The following LIG1 variants were observed in gnomAD, a reference collection of about 807,000 sequenced individuals.
The protein encoded by LIG1 is DNA ligase 1.
A neutral mutation model predicts 115.7 loss-of-function variants in LIG1; 70 were observed. That is an observed-to-expected ratio of 0.60 (90% CI 0.50 to 0.74). The LOEUF is 0.74. Ranked by LOEUF, LIG1 falls within the 30% of genes least tolerant of loss-of-function variation. The pLI, the probability that LIG1 is intolerant of heterozygous loss-of-function variation, is 0.00. For missense variants in LIG1, 1,115 were observed against 1,225.6 expected, an observed-to-expected ratio of 0.91 and a Z score of 1.35; for synonymous variants, 487 against 495.3, an observed-to-expected ratio of 0.98 and a Z score of 0.22.
intron 5 of LIG1, chr19:48,154,220 C>T (rs758634231): frequency 8.9e-5 from 43 of 485,222 alleles, no homozygotes; most frequent in Middle Eastern, 6.0e-4. Flanking sequence ...ATAATCCCCA[C>T]GAGTAAACAA....
intron 4 of LIG1, among the ~76,000 whole-genome samples, chr19:48,159,864 C>A (rs1040455518): frequency 6.6e-6 from 1 of 152,144 alleles, no homozygotes; most frequent in African/African-American, 2.4e-5. Flanking sequence ...ACTACAGGCG[C>A]CCGCCACCAC....
intron 9 of LIG1, among the ~76,000 whole-genome samples, chr19:48,144,435 G>A (rs183959485): frequency 3.2e-4 from 49 of 152,264 alleles, no homozygotes; most frequent in Admixed American, 9.2e-4. Flanking sequence ...GTATAGTCCC[G>A]GGTGTCGCAA....
chr19:48,160,729 A>AT (rs1199727953), intron 4 of LIG1, among the ~76,000 whole-genome samples: 2 of 150,738 alleles, frequency 1.3e-5, no homozygotes, highest in African/African-American at 4.9e-5. Context: ...TTGAACCCTT[A>AT]TTTTTTTGCT....
Position 48,117,585 on chromosome 19 carries a change from T to C in LIG1, c.2583+53A>G, listed in dbSNP as rs2032939520. ...GGTCCCCTCCCTACTCTGCTCTCTG[T>C]GTGCCCGCCCAGAATCCCACACAGG... On this transcript the variant is annotated intron_variant, in intron 26 of 27. Transcript: ENST00000263274. 3 of 1,597,948 alleles carry C rather than the reference T, an allele frequency of 1.9e-6. No individual in the cohort carries two copies. The East Asian group carries it at 6.7e-5, about 36-fold the overall frequency.
Position 48,132,981 on chromosome 19 carries a change from C to A in LIG1, c.1725+1G>T. 1 of 1,605,470 alleles carries A rather than the reference C, an allele frequency of 6.2e-7. No individual in the cohort carries two copies. The highest frequency in any genetic ancestry group is 1.1e-5 in the South Asian group (1 of 90,896). ...GAAGGGACATGTCCCACTCCCCATACCTGTGCCCTCTGCCCGTCATATTTG... is the reference window on the plus strand; with the variant it reads ...GAAGGGACATGTCCCACTCCCCATAACTGTGCCCTCTGCCCGTCATATTTG... On this transcript the variant is annotated splice_donor_variant, in intron 18 of 27. Coordinates refer to ENST00000263274, the MANE Select transcript of LIG1 (RefSeq NM_000234.3). LOFTEE classifies it high-confidence loss of function.
At chr19:48,140,218 AG>A (rs1358511938) in intron 11 of LIG1, 75 bp from the exon 12 acceptor site, 1 of 625,578 alleles carries the variant, frequency 1.6e-6, no homozygotes, top group East Asian at 4.0e-5. Context: ...GGTGGGTTTA[AG>A]GGGGTGGACA....
At position 48,137,992 on chromosome 19, in the gene LIG1, C is replaced by T. The variant is rs574915690; in HGVS notation, c.1088-304G>A. On this transcript the variant is annotated intron_variant, in intron 12 of 27. Coordinates refer to ENST00000263274, the MANE Select transcript of LIG1 (RefSeq NM_000234.3). The surrounding 1 kb of genome is among the most constrained non-coding windows in gnomAD (Gnocchi z 4.3). ...ATCAGGGCGCGGATGGGATTTAAAG[C>T]CACAGGCGGGACAAGGTCACTAGGG... is the stretch of plus-strand genomic sequence containing the variant. 6.2e-6 allele frequency: 3 copies of T among 487,566 alleles called. No individual in the cohort carries two copies. Among genetic ancestry groups the T allele is most frequent in the Admixed American group, 6.6e-5 (2 of 30,432 alleles). The allele number at this position is 487,566 out of a possible 1,614,324, so 30.2% of individuals were successfully genotyped here. A position where few individuals can be genotyped will look rare whatever the true frequency, so the allele number is the denominator to read the frequency against.
rs1216129707 is a variant in LIG1 at position 48,140,187 on chromosome 19, C to T, written c.915-44G>A. 4.1e-6 allele frequency: 4 copies of T among 979,248 alleles called. No individual in the cohort carries two copies. In the Admixed American group the frequency reaches 5.6e-5, roughly 14 times the overall value. 60.7% of individuals were successfully genotyped at this position (979,248 alleles called of 1,614,324 possible). On this transcript the variant is annotated intron_variant, in intron 11 of 27. Transcript: ENST00000263274. ...GTATGAACACGTGGTTCCTCAAGGT[C>T]AAAGTGTGGTGTCGGGGTGGGGTGG...
intron 5 of LIG1, among the ~76,000 whole-genome samples, chr19:48,155,430 C>T: frequency 6.6e-6 from 1 of 152,140 alleles, no homozygotes; most frequent in Non-Finnish European, 1.5e-5. Flanking sequence ...TGCACGTGCC[C>T]TTCTTGTCTG....
At chr19:48,148,891 G>C (rs1419816017) in intron 9 of LIG1, among the ~76,000 whole-genome samples, 1 of 152,222 alleles carries the variant, frequency 6.6e-6, no homozygotes, top group Non-Finnish European at 1.5e-5. Context: ...ACGAGGGCTG[G>C]GGCAGGGCGG....
intron 5 of LIG1, 23 bp from the exon 6 acceptor site, chr19:48,153,990 G>A (rs752206919): frequency 1.2e-6 from 2 of 1,600,886 alleles, no homozygotes; most frequent in Admixed American, 3.3e-5. Context: ...AGGGCTTGGT[G>A]TATCTGACCT....
chr19:48,139,744 A>C (rs1288494674), intron 12 of LIG1, among the ~76,000 whole-genome samples: 16 of 118,070 alleles, frequency 1.4e-4, no homozygotes, highest in Admixed American at 2.7e-4. Context: ...TGCACCCCAC[A>C]CCCCCTGTCC....
At chr19:48,123,414 CA>C in intron 21 of LIG1, 96 bp from the exon 22 acceptor site, 1 of 1,400,188 alleles carries the variant, frequency 7.1e-7, no homozygotes, top group Admixed American at 1.8e-5. Flanking sequence ...GTGCGGGTCA[CA>C]ACTAGTGACA....
intron 12 of LIG1, among the ~76,000 whole-genome samples, chr19:48,138,193 G>GT (rs987739192): frequency 6.6e-5 from 10 of 152,152 alleles, no homozygotes; most frequent in African/African-American, 1.4e-4. Flanking sequence ...GCGCCTGGGT[G>GT]TAAGAGCTGG....
chr19:48,121,326 G>A lies in LIG1; in HGVS notation c.2233-4C>T. On this transcript the variant is annotated splice_region_variant and splice_polypyrimidine_tract_variant and intron_variant, in intron 23 of 27. Transcript: ENST00000263274. The stretch of plus-strand genomic sequence containing the variant: ...CATCAAGGTAGTCCTTCTTCAGCTG[G>A]GAGAAGGGGAGGCAAGAGATGAGAA... 1 of 1,594,616 alleles carries A rather than the reference G, an allele frequency of 6.3e-7. No individual in the cohort carries two copies. Among genetic ancestry groups the A allele is most frequent in the Non-Finnish European group, 8.6e-7 (1 of 1,167,122 alleles).
chr19:48,169,958 C>G (rs975257483), intron 1 of LIG1: 12 of 222,448 alleles, frequency 5.4e-5, no homozygotes, highest in South Asian at 4.2e-4. Flanking sequence ...TCTCCCCTTT[C>G]CAGGTGAACT....
At chr19:48,143,166 A>G (rs1456045677) in intron 11 of LIG1, among the ~76,000 whole-genome samples, 1 of 152,162 alleles carries the variant, frequency 6.6e-6, no homozygotes, top group African/African-American at 2.4e-5. Context: ...TCCTCGCTAT[A>G]ACTGAGACCT....
At chr19:48,157,805 C>G (rs1397145589) in intron 4 of LIG1, among the ~76,000 whole-genome samples, 2 of 152,206 alleles carry the variant, frequency 1.3e-5, no homozygotes, top group Admixed American at 6.5e-5. Context: ...CCTTGGCCTC[C>G]AGAGCACTGA....
chr19:48,141,030 G>C (rs1399990237), intron 11 of LIG1, among the ~76,000 whole-genome samples: 1 of 152,242 alleles, frequency 6.6e-6, no homozygotes, highest in Non-Finnish European at 1.5e-5. Context: ...GTTACAGTGG[G>C]GGAGTAACTT....
Sources: gnomAD v4.1 joint callset for allele counts (sites outside exome capture counted in the v4.1 genomes callset) on GRCh38, gnomAD v4.1.1 for gene constraint, Gnocchi (gnomAD v3.1) non-coding constraint, MANE v1.5 for transcripts, NCBI Gene and HGNC (gene_info 2026-07-23, HGNC 2026-07-21) for gene names.